FBN3: variants seen among roughly 807,000 people sequenced by gnomAD.
FBN3 encodes the protein fibrillin 3, also known as fibrillin-3.
Under a neutral mutation model 330.1 loss-of-function variants are expected in FBN3, and 234 were observed. The observed-to-expected ratio is 0.71, with a 90% CI of 0.64 to 0.79. FBN3 has a LOEUF of 0.79. Ranked by LOEUF, FBN3 falls within the 30% of genes least tolerant of loss-of-function variation. The probability of loss-of-function intolerance (pLI) is 0.00; values close to 1 mark genes in which losing one functional copy is unlikely to be tolerated. For synonymous variants in FBN3, 1,458 were observed against 1,517.3 expected, an observed-to-expected ratio of 0.96 and a Z score of 0.91; for missense variants, 3,606 against 3,886.9, an observed-to-expected ratio of 0.93 and a Z score of 1.92.
Position 8,126,011 on chromosome 19 carries a change from T to C in FBN3, c.2612A>G (p.Asn871Ser). ...RMTGVTCDDV[N>S]ECESFPGVCP... ...GACTCCCGGGAAGGACTCACACTCG[T>C]TCACATCTGGGTAAGGAGGAGGGAA... The change falls in exon 22 of 64, where the codon AAC becomes AGC. Residue 871 changes from asparagine (N) to serine (S), a missense_variant. Asn to Ser is a conservative substitution (Grantham distance 46). Transcript: ENST00000600128. 5 of 1,613,780 alleles carry C rather than the reference T, an allele frequency of 3.1e-6. No homozygotes were observed. The highest frequency in any genetic ancestry group is 4.2e-6 in the Non-Finnish European group (5 of 1,179,950).
intron 10 of FBN3, among the ~76,000 whole-genome samples, 181 bp from the exon 11 acceptor site, chr19:8,136,712 T>C (rs556432877): frequency 1.7e-4 from 26 of 152,270 alleles, no homozygotes; most frequent in Non-Finnish European, 3.4e-4. Context: ...ACCTGGGATC[T>C]AGATCCCTCC....
rs1228515181 is a variant in FBN3 at position 8,089,433 on chromosome 19, G to A, written c.6376+112C>T. The A allele has an allele frequency of 9.2e-6, 11 of 1,196,078 alleles. No individual in the cohort carries two copies. In the East Asian group the frequency reaches 2.4e-4, roughly 26 times the overall value. The allele number at this position is 1,196,078 out of a possible 1,614,324, so 74.1% of individuals were successfully genotyped here. ...AAAGTGAATGGGGGAGAGAGGCAGT[G>A]GTTAAGGACAGGATCTCACCCACTG... On this transcript the variant is annotated intron_variant, in intron 51 of 63. Coordinates refer to ENST00000600128, the MANE Select transcript of FBN3 (RefSeq NM_032447.5).
chr19:8,131,088 G>C lies in FBN3; in HGVS notation c.2044+147C>G. 1.5e-6 allele frequency: 1 copy of C among 675,058 alleles called. No individual in the cohort carries two copies. 41.8% of individuals were successfully genotyped at this position (675,058 alleles called of 1,614,324 possible). ...ACCTCTGGCCTGCAGGAGTGTGAGA[G>C]AATCAGCTTCTGTTGTTGAAGCCGT... On this transcript the variant is annotated intron_variant, in intron 16 of 63. Transcript: ENST00000600128. This position sits in a 1 kb window ranked among gnomAD's most constrained non-coding sequence, Gnocchi z 4.5.
Position 8,100,058 on chromosome 19 carries a change from C to T in FBN3, c.5161+843G>A, listed in dbSNP as rs138390522. 2.0e-3 allele frequency among the ~76,000 whole-genome samples: 308 copies of T among 151,086 alleles called. 1 individual carries two copies. The highest frequency in any genetic ancestry group is 7.2e-3 in the African/African-American group (294 of 41,114). ...GAGCAATTTGACACAAACTGCAACACGGATGCACCTTGAGGACATCATGTT... is the reference window on the plus strand; with the variant it reads ...GAGCAATTTGACACAAACTGCAACATGGATGCACCTTGAGGACATCATGTT... On this transcript the variant is annotated intron_variant, in intron 41 of 63. Transcript: ENST00000600128.
chr19:8,131,133 T>TA lies in FBN3; in HGVS notation c.2044+101dup. 8.9e-7 allele frequency: 1 copy of TA among 1,126,386 alleles called. No individual in the cohort carries two copies. The highest frequency in any genetic ancestry group is 1.3e-6 in the Non-Finnish European group (1 of 782,402). The allele number at this position is 1,126,386 out of a possible 1,614,324, so 69.8% of individuals were successfully genotyped here. Reference sequence around the variant, plus strand: ...AGCCGTCTGGTCTGGGGCACTTTGTTACGGGAACCCCGGGCCAACTCCTAC... The same window carrying TA: ...AGCCGTCTGGTCTGGGGCACTTTGTTAACGGGAACCCCGGGCCAACTCCTAC... On this transcript the variant is annotated intron_variant, in intron 16 of 63. Coordinates refer to ENST00000600128, the MANE Select transcript of FBN3 (RefSeq NM_032447.5). The surrounding 1 kb of genome is among the most constrained non-coding windows in gnomAD (Gnocchi z 4.5).
chr19:8,131,940 C>G lies in FBN3; in HGVS notation c.1715-111G>C, dbSNP rs2083160079. On this transcript the variant is annotated intron_variant, in intron 14 of 63. Coordinates refer to ENST00000600128, the MANE Select transcript of FBN3 (RefSeq NM_032447.5). This position sits in a 1 kb window ranked among gnomAD's most constrained non-coding sequence, Gnocchi z 4.5. The stretch of plus-strand genomic sequence containing the variant: ...CCAGCCATTCTATTTCTTTCCTTTC[C>G]AGTTTCTTGTCTTTCCAGTTTCCTG... The G allele has an allele frequency of 2.4e-6, 3 of 1,275,086 alleles. No homozygotes were observed. Among genetic ancestry groups the G allele is most frequent in the Non-Finnish European group, 3.1e-6 (3 of 964,872 alleles). The allele number at this position is 1,275,086 out of a possible 1,614,324, so 79.0% of individuals were successfully genotyped here.
chr19:8,089,126 TGAGG>T (rs1465560054), intron 51 of FBN3, among the ~76,000 whole-genome samples: 1 of 151,828 alleles, frequency 6.6e-6, no homozygotes, highest in Non-Finnish European at 1.5e-5. Context: ...TGTGAATGAA[TGAGG>T]GAGTTAGTGA....
chr19:8,106,362 A>G, intron 37 of FBN3, 129 bp from the exon 38 acceptor site: 1 of 880,462 alleles, frequency 1.1e-6, no homozygotes, highest in Non-Finnish European at 1.8e-6. Flanking sequence ...TGACTGATAG[A>G]CATTTAAAGG....
chr19:8,081,174 G>T, intron 58 of FBN3, 55 bp from the exon 59 acceptor site: 2 of 1,544,304 alleles, frequency 1.3e-6, no homozygotes, highest in Admixed American at 1.7e-5. Context: ...GGGATTAGGG[G>T]CTTCCCAGGG....
rs191942934 is a variant in FBN3, at chr19:8,125,517, G to C, written c.2731+375C>G. On this transcript the variant is annotated intron_variant, in intron 22 of 63. Coordinates refer to ENST00000600128, the MANE Select transcript of FBN3 (RefSeq NM_032447.5). Reference sequence around the variant, plus strand: ...GAAATCTCTCCTGTTCAGGCCAGGCGTGGTGGCTCACGCCTGTAATCCCAA... The same window carrying C: ...GAAATCTCTCCTGTTCAGGCCAGGCCTGGTGGCTCACGCCTGTAATCCCAA... 9.7e-4 allele frequency among the ~76,000 whole-genome samples: 147 copies of C among 152,210 alleles called. 1 individual carries two copies. Among genetic ancestry groups the C allele is most frequent in the African/African-American group, 3.5e-3 (144 of 41,548 alleles).
At chr19:8,091,730 T>G in intron 47 of FBN3, 140 bp from the exon 48 acceptor site, 2 of 875,574 alleles carry the variant, frequency 2.3e-6, no homozygotes, top group Non-Finnish European at 1.7e-6. Flanking sequence ...GAGAGCTCAG[T>G]ATGAGCTTCA....
rs1265600353 is a variant in FBN3, at chr19:8,072,965, C to CTG, written c.7937+97_7937+98insCA. ...GTAAATTCTTGGCATGCACAAAGCC[C>CTG]CGTGTGTGTGTGTGTGTGTGTGTGT... On this transcript the variant is annotated intron_variant, in intron 62 of 63. Coordinates refer to ENST00000600128, the MANE Select transcript of FBN3 (RefSeq NM_032447.5). The CTG allele has an allele frequency of 1.7e-4, 107 of 628,316 alleles. No individual in the cohort carries two copies. In the Admixed American group the frequency reaches 3.2e-3, roughly 19 times the overall value. 38.9% of individuals were successfully genotyped at this position (628,316 alleles called of 1,614,324 possible). A position where few individuals can be genotyped will look rare whatever the true frequency, so the allele number is the denominator to read the frequency against.
chr19:8,138,122 C>T lies in FBN3; in HGVS notation c.1201+19G>A. Reference sequence around the variant, plus strand: ...ATCCTTCAAGTCTTGGAATGTTCCTCCCAAGCCCCAGGCCTCACCAATATT... The same window carrying T: ...ATCCTTCAAGTCTTGGAATGTTCCTTCCAAGCCCCAGGCCTCACCAATATT... On this transcript the variant is annotated intron_variant, in intron 10 of 63. Transcript: ENST00000600128. The T allele has an allele frequency of 1.3e-6, 2 of 1,585,792 alleles. No individual in the cohort carries two copies. Among genetic ancestry groups the T allele is most frequent in the Non-Finnish European group, 1.7e-6 (2 of 1,168,664 alleles).
At chr19:8,137,914 C>T (rs902467449) in intron 10 of FBN3, among the ~76,000 whole-genome samples, 6 of 152,144 alleles carry the variant, frequency 3.9e-5, no homozygotes, top group African/African-American at 9.7e-5. Context: ...AGGCATGAGT[C>T]GCTGTGTCCA....
Position 8,109,757 on chromosome 19 carries a change from T to C in FBN3, c.4334-4A>G, listed in dbSNP as rs2082534780. The stretch of plus-strand genomic sequence containing the variant: ...GGGTCTGCACACTCGTTGATGTCTG[T>C]AGGGAGGAAGCGCGGTCCTCAGCAG... On this transcript the variant is annotated splice_polypyrimidine_tract_variant and splice_region_variant and intron_variant, in intron 34 of 63. Transcript: ENST00000600128. This position sits in a 1 kb window ranked among gnomAD's most constrained non-coding sequence, Gnocchi z 5.2. The C allele has an allele frequency of 6.7e-7, 1 of 1,494,844 alleles. No individual in the cohort carries two copies. The highest frequency in any genetic ancestry group is 8.9e-7 in the Non-Finnish European group (1 of 1,121,612). 92.6% of individuals were successfully genotyped at this position (1,494,844 alleles called of 1,614,324 possible).
intron 56 of FBN3, 57 bp downstream of exon 56, chr19:8,085,306 T>G: frequency 6.9e-7 from 1 of 1,458,508 alleles, no homozygotes; most frequent in Non-Finnish European, 9.3e-7. Flanking sequence ...CACATGACCC[T>G]GAGCAAACTC....
intron 56 of FBN3, among the ~76,000 whole-genome samples, chr19:8,084,919 C>T (rs2081900541): frequency 6.6e-6 from 1 of 151,982 alleles, no homozygotes; most frequent in Admixed American, 6.6e-5. Flanking sequence ...CGAGGTCTTG[C>T]TCTATCACCC....
intron 2 of FBN3, 52 bp from the exon 3 acceptor site, chr19:8,147,238 C>A: frequency 6.4e-7 from 1 of 1,557,002 alleles, no homozygotes; most frequent in Non-Finnish European, 8.7e-7. Flanking sequence ...GTGGACATCC[C>A]CCCGGGTATT....
intron 24 of FBN3, among the ~76,000 whole-genome samples, chr19:8,122,492 G>C (rs576274310): frequency 6.6e-6 from 1 of 151,970 alleles, no homozygotes; most frequent in African/African-American, 2.4e-5. Flanking sequence ...TCGGCCTCCC[G>C]AGTAGCTGGG....
Sources: allele counts gnomAD v4.1 joint callset (sites outside exome capture counted in the v4.1 genomes callset), GRCh38; gene constraint gnomAD v4.1.1; non-coding constraint Gnocchi (gnomAD v3.1); transcripts MANE v1.5; gene names NCBI Gene and HGNC (gene_info 2026-07-23, HGNC 2026-07-21).